LRMDA: variants seen among roughly 807,000 people sequenced by gnomAD.
LRMDA encodes the protein leucine-rich melanocyte differentiation-associated protein.
Under a neutral mutation model 29.8 loss-of-function variants are expected in LRMDA, and 18 were observed. That is an observed-to-expected ratio of 0.60 (90% confidence interval 0.42 to 0.90). The LOEUF (loss-of-function observed/expected upper bound fraction) is 0.90, where lower values mean the gene tolerates loss of function less well. Ranked by LOEUF, LRMDA falls within the 40% of genes least tolerant of loss-of-function variation. LRMDA has a pLI of 0.00. For synonymous variants in LRMDA, 125 were observed against 109.4 expected (o/e 1.14, Z -0.89); for missense variants, 273 against 273.9 (o/e 1.00, Z 0.02).
chr10:75,989,078 C>T lies in LRMDA; in HGVS notation c.132-46930C>T, dbSNP rs1451231626. 2.0e-5 allele frequency among the ~76,000 whole-genome samples: 3 copies of T among 151,924 alleles called. No individual in the cohort carries two copies. The East Asian group carries it at 5.8e-4, about 29-fold the overall frequency. On this transcript the variant is annotated intron_variant, in intron 2 of 6. Coordinates refer to ENST00000611255, the MANE Select transcript of LRMDA (RefSeq NM_001305581.2). ...TTTCCCATGCAGGTTGCATGCCTTC[C>T]ATTGCGGGAATCCAACTCCACAAGG...
chr10:75,436,108 T>G (rs1564770797), intron 1 of LRMDA, among the ~76,000 whole-genome samples: 2 of 151,850 alleles, frequency 1.3e-5, no homozygotes, highest in African/African-American at 4.8e-5. Context: ...CACATGGATT[T>G]GTAAGCACTC....
chr10:75,949,356 C>A (rs568464110), intron 2 of LRMDA, among the ~76,000 whole-genome samples: 15 of 152,368 alleles, frequency 9.8e-5, no homozygotes, highest in Non-Finnish European at 2.9e-5. Context: ...ATTGGTTCAA[C>A]AATGCCTTGT....
chr10:76,241,349 G>C, intron 5 of LRMDA, among the ~76,000 whole-genome samples: 1 of 152,124 alleles, frequency 6.6e-6, no homozygotes, highest in Non-Finnish European at 1.5e-5. Context: ...CCATTGTAAG[G>C]TTCCCAACCA....
chr10:75,459,664 G>A (rs1344861826), intron 2 of LRMDA, among the ~76,000 whole-genome samples: 1 of 152,194 alleles, frequency 6.6e-6, no homozygotes, highest in Admixed American at 6.5e-5. Context: ...GGGTGTCTCA[G>A]TTCATTTTGT....
chr10:75,501,859 A>G (rs945090861), intron 2 of LRMDA, among the ~76,000 whole-genome samples: 4 of 152,114 alleles, frequency 2.6e-5, no homozygotes, highest in African/African-American at 7.2e-5. Flanking sequence ...GAGTCTCACT[A>G]TGTTGCCCAA....
intron 2 of LRMDA, among the ~76,000 whole-genome samples, chr10:75,844,987 T>G (rs892580683): frequency 6.6e-6 from 1 of 152,210 alleles, no homozygotes; most frequent in African/African-American, 2.4e-5. Context: ...ATAGTTTTCT[T>G]ATGGCTGGAT....
chr10:75,568,365 G>A (rs1840398907), intron 2 of LRMDA, among the ~76,000 whole-genome samples: 1 of 152,184 alleles, frequency 6.6e-6, no homozygotes, highest in East Asian at 1.9e-4. Context: ...TGCATGTTAT[G>A]TTTCTTTTTA....
chr10:76,473,825 A>G (rs560963666), intron 6 of LRMDA, among the ~76,000 whole-genome samples: 2 of 151,774 alleles, frequency 1.3e-5, no homozygotes, highest in South Asian at 4.1e-4. Flanking sequence ...CAACAAAAAC[A>G]TTCCTGAAAT....
At chr10:75,857,838 C>T (rs747604736) in intron 2 of LRMDA, among the ~76,000 whole-genome samples, 8 of 152,304 alleles carry the variant, frequency 5.3e-5, no homozygotes, top group East Asian at 1.9e-4. Context: ...GTCTTTCAGA[C>T]GATCTTCATT....
chr10:76,544,613 A>G (rs1843396727), intron 6 of LRMDA, among the ~76,000 whole-genome samples: 3 of 152,116 alleles, frequency 2.0e-5, no homozygotes, highest in Admixed American at 6.5e-5. Flanking sequence ...AGAGGTTCAT[A>G]TAACTCTTAT....
chr10:76,505,892 G>T (rs572161080), intron 6 of LRMDA, among the ~76,000 whole-genome samples: 1 of 152,260 alleles, frequency 6.6e-6, no homozygotes, highest in South Asian at 2.1e-4. Flanking sequence ...GAGGACTGGT[G>T]TTTCTTTAGC....
At chr10:76,457,039 C>A (rs1032188421) in intron 6 of LRMDA, among the ~76,000 whole-genome samples, 1 of 152,078 alleles carries the variant, frequency 6.6e-6, no homozygotes, top group African/African-American at 2.4e-5. Context: ...TGGATGTCTG[C>A]GGATGGTCAG....
At position 76,306,184 on chromosome 10, in the gene LRMDA, A is replaced by T. The variant is rs75551662; in HGVS notation, c.517-18217A>T. ...TTATCCTCTCCTCTGCAATCAACAC[A>T]TACACACATACTTTTGCATACTGCA... is the stretch of plus-strand genomic sequence containing the variant. On this transcript the variant is annotated intron_variant, in intron 5 of 6. Coordinates refer to ENST00000611255, the MANE Select transcript of LRMDA (RefSeq NM_001305581.2). Among the ~76,000 whole-genome samples, 187 of 152,334 alleles carry T rather than the reference A, an allele frequency of 1.2e-3. 1 individual carries two copies. Among genetic ancestry groups the T allele is most frequent in the African/African-American group, 4.3e-3 (179 of 41,578 alleles).
At chr10:76,265,269 G>A (rs1209817144) in intron 5 of LRMDA, among the ~76,000 whole-genome samples, 2 of 152,176 alleles carry the variant, frequency 1.3e-5, no homozygotes, top group Non-Finnish European at 1.5e-5. Flanking sequence ...AAGAAGGGTT[G>A]AATAACGGTT....
chr10:76,347,533 GA>G (rs1841123381), intron 6 of LRMDA, among the ~76,000 whole-genome samples: 1 of 152,160 alleles, frequency 6.6e-6, no homozygotes, highest in South Asian at 2.1e-4. Flanking sequence ...ATAACCCATT[GA>G]CTATGCACTT....
At chr10:76,471,231 T>A (rs1589202118) in intron 6 of LRMDA, among the ~76,000 whole-genome samples, 1 of 151,816 alleles carries the variant, frequency 6.6e-6, no homozygotes, top group South Asian at 2.1e-4. Context: ...GACATAAAAT[T>A]ATATAAATAA....
At chr10:75,548,490 C>G (rs115387840) in intron 2 of LRMDA, among the ~76,000 whole-genome samples, 2 of 152,096 alleles carry the variant, frequency 1.3e-5, no homozygotes, top group Non-Finnish European at 2.9e-5. Flanking sequence ...CCTCCTTCCT[C>G]GCTAATTAGG....
intron 2 of LRMDA, among the ~76,000 whole-genome samples, chr10:75,991,456 A>T (rs1452832331): frequency 6.6e-6 from 1 of 152,182 alleles, no homozygotes; most frequent in African/African-American, 2.4e-5. Context: ...GTTTGGTTGA[A>T]TCTCTACATC....
intron 2 of LRMDA, among the ~76,000 whole-genome samples, chr10:75,741,979 A>G (rs1225659000): frequency 6.6e-6 from 1 of 152,196 alleles, no homozygotes; most frequent in East Asian, 1.9e-4. Flanking sequence ...AAAGACAGTT[A>G]TCAGCAACCT....
Sources: allele counts gnomAD v4.1 joint callset (sites outside exome capture counted in the v4.1 genomes callset), GRCh38; gene constraint gnomAD v4.1.1; transcripts MANE v1.5; gene names NCBI Gene and HGNC (gene_info 2026-07-23, HGNC 2026-07-21).